The following GGA2 variants were observed in gnomAD, a reference collection of about 807,000 sequenced individuals.
The protein encoded by GGA2 is golgi associated, gamma adaptin ear containing, ARF binding protein 2.
Under a neutral mutation model 79.5 loss-of-function variants are expected in GGA2, and 48 were observed. That is an observed-to-expected ratio of 0.60 (90% CI 0.48 to 0.77). GGA2 has a LOEUF of 0.77. Ranked by LOEUF, GGA2 falls within the 30% of genes least tolerant of loss-of-function variation. The pLI, the probability that GGA2 is intolerant of heterozygous loss-of-function variation, is 0.00. For missense variants in GGA2, 770 were observed against 774.0 expected, an observed-to-expected ratio of 0.99 and a Z score of 0.06; for synonymous variants, 317 against 302.0, an observed-to-expected ratio of 1.05 and a Z score of -0.51.
intron 2 of GGA2, among the ~76,000 whole-genome samples, chr16:23,518,028 T>G (rs991187605): frequency 6.6e-6 from 1 of 152,140 alleles, no homozygotes; most frequent in Non-Finnish European, 1.5e-5. Context: ...TTCTCCTGCC[T>G]CAGCCTCCTA....
intron 14 of GGA2, among the ~76,000 whole-genome samples, chr16:23,472,773 G>A (rs991076032): frequency 6.6e-5 from 10 of 151,438 alleles, no homozygotes; most frequent in African/African-American, 2.4e-4. Context: ...AGTGGCTCAC[G>A]CCTGTAATCC....
At chr16:23,478,744 G>T in intron 12 of GGA2, 139 bp downstream of exon 12, 1 of 761,288 alleles carries the variant, frequency 1.3e-6, no homozygotes. Context: ...GGGTGAGGAA[G>T]AGGCTTTGGA....
chr16:23,488,370 C>T (rs997732931), intron 6 of GGA2, among the ~76,000 whole-genome samples: 1 of 152,170 alleles, frequency 6.6e-6, no homozygotes, highest in African/African-American at 2.4e-5. Context: ...TACCAAGACC[C>T]AGGATGCAGT....
intron 2 of GGA2, among the ~76,000 whole-genome samples, chr16:23,518,918 T>G (rs1293801521): frequency 6.6e-6 from 1 of 152,110 alleles, no homozygotes; most frequent in African/African-American, 2.4e-5. Context: ...AGTAAATATG[T>G]ACAAATATAT....
intron 7 of GGA2, 68 bp from the exon 8 acceptor site, chr16:23,486,220 G>A: frequency 6.9e-7 from 1 of 1,445,108 alleles, no homozygotes. Context: ...AACAAGGGAT[G>A]GGAAAGAGTC....
At chr16:23,503,646 G>A (rs1299755824) in intron 1 of GGA2, among the ~76,000 whole-genome samples, 2 of 152,130 alleles carry the variant, frequency 1.3e-5, no homozygotes, top group Admixed American at 6.5e-5. Context: ...CTATACACAA[G>A]AACTTAAAAT....
intron 2 of GGA2, among the ~76,000 whole-genome samples, chr16:23,519,211 C>T (rs966039958): frequency 3.0e-4 from 45 of 151,972 alleles, no homozygotes; most frequent in African/African-American, 1.0e-3. Flanking sequence ...CACCACTAAT[C>T]TTTGCATTTT....
Position 23,478,456 on chromosome 16 carries a change from TGGA to T in GGA2, c.1201_1203del (p.Ser402del), listed in dbSNP as rs750719756. ...TGAACACCACCGCCTGGCAGCGTGC[TGGA>T]GGAGGGATTCCTCTTTTCCTCACAG... On this transcript the variant is annotated inframe_deletion, in exon 13 of 17. Transcript: ENST00000309859. The T allele has an allele frequency of 6.2e-7, 1 of 1,611,486 alleles. No individual in the cohort carries two copies. The highest frequency in any genetic ancestry group is 8.5e-7 in the Non-Finnish European group (1 of 1,178,252).
chr16:23,468,446 G>C (rs1964469328), intron 16 of GGA2, among the ~76,000 whole-genome samples: 2 of 151,162 alleles, frequency 1.3e-5, no homozygotes, highest in Admixed American at 1.3e-4. Flanking sequence ...AAAGTGCTGG[G>C]ATTACAGGCG....
In GGA2 at chr16:23,486,252, G is replaced by A; in HGVS notation, c.661-100C>T. Reference sequence around the variant, plus strand: ...AGTCACTATTGAGAGAGCTCGCTCAGGGGCATCACCAGGATGTTAAGTGCA... The same window carrying A: ...AGTCACTATTGAGAGAGCTCGCTCAAGGGCATCACCAGGATGTTAAGTGCA... On this transcript the variant is annotated intron_variant, in intron 7 of 16. Transcript: ENST00000309859. 2.9e-6 allele frequency: 3 copies of A among 1,040,404 alleles called. No homozygotes were observed. The Admixed American group carries it at 5.8e-5, about 20-fold the overall frequency. The allele number at this position is 1,040,404 out of a possible 1,614,324, so 64.4% of individuals were successfully genotyped here. A position where few individuals can be genotyped will look rare whatever the true frequency, so the allele number is the denominator to read the frequency against.
Position 23,482,923 on chromosome 16 carries a change from C to T in GGA2, c.880G>A (p.Ala294Thr), listed in dbSNP as rs768112093. ...CTACACCCAAGGAAAGAAAACTTAC[C>T]GAGTGCATCATCGTCATCAGTGGTG... is the stretch of plus-strand genomic sequence containing the variant. ...SDTTDDDDAL[A>T]EILQANDLLT... is the part of the protein sequence containing the mutation. Residue 294 changes from alanine (A) to threonine (T), a missense_variant and splice_region_variant, in exon 9 of 17, where the codon GCG (alanine) becomes ACG (threonine). Ala to Thr is a moderately conservative substitution (Grantham distance 58, BLOSUM62 0). Transcript: ENST00000309859. 22 of 1,592,532 alleles carry T rather than the reference C, an allele frequency of 1.4e-5. No individual in the cohort carries two copies. In the East Asian group the frequency reaches 1.6e-4, roughly 11 times the overall value.
At chr16:23,505,946 G>A (rs989890062) in intron 1 of GGA2, among the ~76,000 whole-genome samples, 2 of 152,252 alleles carry the variant, frequency 1.3e-5, no homozygotes, top group East Asian at 3.9e-4. Flanking sequence ...TGGTAAGCGG[G>A]TATGGGTATG....
At chr16:23,510,290 G>C (rs1253861953) in intron 1 of GGA2, 31 bp downstream of exon 1, 1 of 1,359,980 alleles carries the variant, frequency 7.4e-7, no homozygotes, top group Non-Finnish European at 9.7e-7. Flanking sequence ...GCGGCGCAGC[G>C]GCTGCGCCGA....
intron 1 of GGA2, among the ~76,000 whole-genome samples, chr16:23,520,277 T>C (rs911003266): frequency 7.0e-6 from 1 of 142,510 alleles, no homozygotes; most frequent in African/African-American, 2.6e-5. Context: ...AAAAAGAACT[T>C]CGTATATGTT....
upstream of GGA2, among the ~76,000 whole-genome samples, chr16:23,511,252 A>G (rs1596999587): frequency 7.2e-6 from 1 of 138,858 alleles, no homozygotes; most frequent in African/African-American, 2.7e-5. Flanking sequence ...TCCTGGGTTC[A>G]AGCGATTCTC....
intron 5 of GGA2, 149 bp downstream of exon 5, chr16:23,491,528 C>G (rs1053158226): frequency 8.7e-5 from 37 of 426,362 alleles, no homozygotes; most frequent in Admixed American, 1.5e-4. Flanking sequence ...AGATTTATTG[C>G]GTAAAAAAAA....
intron 14 of GGA2, among the ~76,000 whole-genome samples, chr16:23,473,330 C>CTTTTTTTTTTTT (rs34972165): frequency 2.8e-5 from 2 of 70,692 alleles, no homozygotes; most frequent in African/African-American, 1.2e-4. Flanking sequence ...CTTTTCTAGT[C>CTTTTTTTTTTTT]TTTTTTTTTT....
At chr16:23,497,980 T>TA (rs922757688) in intron 1 of GGA2, among the ~76,000 whole-genome samples, 10 of 151,922 alleles carry the variant, frequency 6.6e-5, no homozygotes, top group African/African-American at 2.4e-5. Context: ...CAGAAATTTT[T>TA]AAAAAAAATT....
intron 16 of GGA2, 141 bp from the exon 17 acceptor site, chr16:23,467,841 A>G (rs1044045887): frequency 1.5e-6 from 1 of 646,582 alleles, no homozygotes; most frequent in East Asian, 2.7e-5. Flanking sequence ...AACAAGGGGA[A>G]ACAGGCACAT....
Sources: allele counts gnomAD v4.1 joint callset (sites outside exome capture counted in the v4.1 genomes callset), GRCh38; gene constraint gnomAD v4.1.1; transcripts MANE v1.5; gene names NCBI Gene and HGNC (gene_info 2026-07-23, HGNC 2026-07-21).